Variants in KCNIP4 observed in about 807,000 individuals in gnomAD.
KCNIP4 encodes Kv channel-interacting protein 4.
In KCNIP4, 12 loss-of-function variants were observed where a neutral mutation model predicts 34.0. The observed-to-expected ratio is 0.35, with a 90% confidence interval of 0.23 to 0.57. The LOEUF (loss-of-function observed/expected upper bound fraction) is 0.57, where lower values mean the gene tolerates loss of function less well. Among genes scored for constraint, KCNIP4 ranks in the 20% least tolerant of loss-of-function variants. KCNIP4 has a pLI of 0.83. For missense variants in KCNIP4, 238 were observed against 311.7 expected (o/e 0.76, Z 1.78); for synonymous variants, 124 against 102.2 (o/e 1.21, Z -1.29).
rs1005778322 is a variant in KCNIP4 at position 21,519,419 on chromosome 4, T to C, written c.61+429152A>G. ...ACATATGTGTGTATATGTATGTGTA[T>C]ATATACACATATGTGTGTATATGTA... On this transcript the variant is annotated intron_variant, in intron 1 of 8. Transcript: ENST00000382152. Among the ~76,000 whole-genome samples, 10 of 115,080 alleles carry C rather than the reference T, an allele frequency of 8.7e-5. No homozygotes were observed. The East Asian group carries it at 2.1e-3, about 25-fold the overall frequency. The allele number at this position is 115,080 out of a possible 152,430, so 75.5% of individuals were successfully genotyped here. A position where few individuals can be genotyped will look rare whatever the true frequency, so the allele number is the denominator to read the frequency against.
At chr4:21,008,532 G>GTTTT in intron 1 of KCNIP4, among the ~76,000 whole-genome samples, 1 of 150,564 alleles carries the variant, frequency 6.6e-6, no homozygotes, top group African/African-American at 2.4e-5. Context: ...TTTTGTTTTT[G>GTTTT]TTTTTTTTTG....
intron 1 of KCNIP4, among the ~76,000 whole-genome samples, chr4:21,422,900 GA>G (rs1725605465): frequency 1.3e-5 from 2 of 152,168 alleles, no homozygotes; most frequent in Admixed American, 1.3e-4. Flanking sequence ...TGGTTGACCA[GA>G]AGATACTACG....
intron 1 of KCNIP4, among the ~76,000 whole-genome samples, chr4:21,864,907 T>C (rs1325225685): frequency 6.6e-6 from 1 of 152,208 alleles, no homozygotes; most frequent in East Asian, 1.9e-4. Flanking sequence ...ACCAGACATA[T>C]GCAGAAGCAG....
chr4:21,683,351 T>C (rs1478928725), intron 1 of KCNIP4, among the ~76,000 whole-genome samples: 1 of 151,118 alleles, frequency 6.6e-6, no homozygotes, highest in Non-Finnish European at 1.5e-5. Flanking sequence ...CTCATGAAGG[T>C]CGGACTATCA....
At chr4:21,100,062 C>T (rs970630619) in intron 1 of KCNIP4, among the ~76,000 whole-genome samples, 1 of 152,182 alleles carries the variant, frequency 6.6e-6, no homozygotes, top group Non-Finnish European at 1.5e-5. Context: ...ATGCAGCAAA[C>T]ATTGTTGAAG....
At chr4:21,107,630 G>A (rs1167468901) in intron 1 of KCNIP4, among the ~76,000 whole-genome samples, 1 of 150,566 alleles carries the variant, frequency 6.6e-6, no homozygotes, top group Non-Finnish European at 1.5e-5. Context: ...GTATGAATTT[G>A]ATCCTGTCAT....
At chr4:20,935,017 C>T (rs561590891) in intron 1 of KCNIP4, among the ~76,000 whole-genome samples, 1 of 152,274 alleles carries the variant, frequency 6.6e-6, no homozygotes, top group Admixed American at 6.5e-5. Flanking sequence ...CTTCACATGG[C>T]CTTCATTCCT....
At chr4:21,856,477 A>G (rs1427669659) in intron 1 of KCNIP4, among the ~76,000 whole-genome samples, 1 of 152,186 alleles carries the variant, frequency 6.6e-6, no homozygotes, top group Non-Finnish European at 1.5e-5. Context: ...GGCTGCCACC[A>G]TGGAGTCAGC....
intron 1 of KCNIP4, among the ~76,000 whole-genome samples, chr4:21,820,659 A>C (rs1242804548): frequency 6.6e-6 from 1 of 152,138 alleles, no homozygotes. Flanking sequence ...GGGGCTTTAG[A>C]AAGGTTCGGA....
intron 1 of KCNIP4, among the ~76,000 whole-genome samples, chr4:20,940,910 G>A (rs1168517413): frequency 6.6e-6 from 1 of 152,188 alleles, no homozygotes; most frequent in African/African-American, 2.4e-5. Context: ...CTCAGAGATA[G>A]ACACACTGGA....
At chr4:21,407,587 C>T (rs1724104019) in intron 1 of KCNIP4, among the ~76,000 whole-genome samples, 1 of 152,114 alleles carries the variant, frequency 6.6e-6, no homozygotes. Context: ...AGGGTGAGAG[C>T]AGCTAAATAT....
intron 1 of KCNIP4, among the ~76,000 whole-genome samples, chr4:21,078,537 A>ACCCTCATGATCTAACTATCT (rs1375741763): frequency 6.6e-6 from 1 of 151,780 alleles, no homozygotes; most frequent in African/African-American, 2.4e-5. Flanking sequence ...TGAGGACTCT[A>ACCCTCATGATCTAACTATCT]CCCTCATGAT....
intron 1 of KCNIP4, among the ~76,000 whole-genome samples, chr4:21,354,894 G>A (rs530057213): frequency 6.6e-6 from 1 of 152,114 alleles, no homozygotes; most frequent in Non-Finnish European, 1.5e-5. Flanking sequence ...CCACATAGTT[G>A]CAAGTAAAGC....
intron 1 of KCNIP4, among the ~76,000 whole-genome samples, chr4:21,410,051 CCTT>C (rs1392468278): frequency 6.6e-6 from 1 of 152,060 alleles, no homozygotes; most frequent in East Asian, 1.9e-4. Flanking sequence ...TGATGGCACT[CCTT>C]CTACGAGAGT....
intron 1 of KCNIP4, among the ~76,000 whole-genome samples, chr4:20,970,607 AATTGGTAGAGACC>A (rs1734838070): frequency 6.6e-6 from 1 of 152,192 alleles, no homozygotes; most frequent in Non-Finnish European, 1.5e-5. Flanking sequence ...ACTGGCATTT[AATTGGTAGAGACC>A]AGGGATGCTG....
Position 21,291,938 on chromosome 4 carries a change from A to AG in KCNIP4, c.62-409230_62-409229insC, listed in dbSNP as rs200583640. On this transcript the variant is annotated intron_variant, in intron 1 of 8. Coordinates refer to ENST00000382152, the MANE Select transcript of KCNIP4 (RefSeq NM_025221.6). ...AAGAAAGAAAGAAAGAAAGAAAGAA[A>AG]AAAAAAGAAAAAAGTCTGATGAATA... Among the ~76,000 whole-genome samples the AG allele has an allele frequency of 7.3e-5, 7 of 95,268 alleles. 1 individual carries two copies. In the East Asian group the frequency reaches 7.8e-4, roughly 11 times the overall value. 62.5% of individuals were successfully genotyped at this position (95,268 alleles called of 152,430 possible).
chr4:21,466,727 T>A (rs960450507), intron 1 of KCNIP4, among the ~76,000 whole-genome samples: 2 of 152,032 alleles, frequency 1.3e-5, no homozygotes, highest in Non-Finnish European at 2.9e-5. Flanking sequence ...CCAGATAACG[T>A]CTCCTAATGG....
At position 20,729,747 on chromosome 4, in the gene KCNIP4, ACT is replaced by A. The variant is rs1374969332; in HGVS notation, c.*333_*334del. On this transcript the variant is annotated 3_prime_UTR_variant, in exon 9 of 9. Transcript: ENST00000382152. ...TACATACAAATGAGTAGCAAAAAAC[ACT>A]GATATTTTAAAATCACTGATATGTG... The A allele has an allele frequency of 3.9e-5, 8 of 206,640 alleles. No homozygotes were observed. Among genetic ancestry groups the A allele is most frequent in the Admixed American group, 1.7e-4 (3 of 17,180 alleles). 12.8% of individuals were successfully genotyped at this position (206,640 alleles called of 1,614,324 possible).
At chr4:20,811,865 T>A (rs1363993751) in intron 3 of KCNIP4, among the ~76,000 whole-genome samples, 1 of 152,114 alleles carries the variant, frequency 6.6e-6, no homozygotes, top group Non-Finnish European at 1.5e-5. Flanking sequence ...GAGGCAGAGA[T>A]GGAGAAGTCA....
Sources: gnomAD v4.1 joint callset for allele counts (sites outside exome capture counted in the v4.1 genomes callset) on GRCh38, gnomAD v4.1.1 for gene constraint, MANE v1.5 for transcripts, NCBI Gene and HGNC (gene_info 2026-07-23, HGNC 2026-07-21) for gene names.